GTF2F2: variants seen among roughly 807,000 people sequenced by gnomAD.
The protein encoded by GTF2F2 is ATP-dependent helicase GTF2F2.
GTF2F2 carries 23 observed loss-of-function variants against 42.2 expected under a neutral mutation model. That is an observed-to-expected ratio of 0.55 (90% confidence interval 0.39 to 0.77). The LOEUF is 0.77. Among genes scored for constraint, GTF2F2 ranks in the 30% least tolerant of loss-of-function variants. The pLI is 0.00. For missense variants in GTF2F2, 261 were observed against 287.2 expected, an observed-to-expected ratio of 0.91 and a Z score of 0.66; for synonymous variants, 105 against 100.8, an observed-to-expected ratio of 1.04 and a Z score of -0.25.
intron 1 of GTF2F2, among the ~76,000 whole-genome samples, chr13:45,129,025 G>T (rs562461608): frequency 6.6e-6 from 1 of 152,136 alleles, no homozygotes; most frequent in African/African-American, 2.4e-5. Context: ...GGCCTAAATC[G>T]TAGTCTCCAG....
chr13:45,272,430 A>C (rs1265268601), intron 7 of GTF2F2, among the ~76,000 whole-genome samples: 2 of 142,858 alleles, frequency 1.4e-5, no homozygotes, highest in Admixed American at 6.8e-5. Flanking sequence ...TCTTTAAAAA[A>C]AAAAAAAAAA....
chr13:45,147,341 G>A (rs904023289), intron 2 of GTF2F2, among the ~76,000 whole-genome samples: 23 of 152,130 alleles, frequency 1.5e-4, no homozygotes, highest in African/African-American at 5.1e-4. Context: ...TAAACATTAT[G>A]GAAGTGTCTT....
intron 4 of GTF2F2, among the ~76,000 whole-genome samples, chr13:45,167,232 ATT>A (rs553522450): frequency 9.3e-4 from 119 of 127,578 alleles, no homozygotes; most frequent in African/African-American, 2.0e-3. Flanking sequence ...CTATTTTACT[ATT>A]TTTTTTTTTT....
intron 4 of GTF2F2, among the ~76,000 whole-genome samples, chr13:45,184,648 A>G (rs970018254): frequency 2.6e-5 from 4 of 152,160 alleles, no homozygotes; most frequent in African/African-American, 9.7e-5. Flanking sequence ...TTTTAAAAAG[A>G]TAAAGTGAAT....
At chr13:45,250,653 C>A (rs1161487697) in intron 5 of GTF2F2, among the ~76,000 whole-genome samples, 1 of 152,038 alleles carries the variant, frequency 6.6e-6, no homozygotes, top group African/African-American at 2.4e-5. Context: ...ACAGCTGCAG[C>A]CAGAGGCAGA....
chr13:45,254,336 G>A (rs999078278), intron 6 of GTF2F2, among the ~76,000 whole-genome samples: 4 of 152,114 alleles, frequency 2.6e-5, no homozygotes, highest in Non-Finnish European at 5.9e-5. Context: ...GGGGCAGGGA[G>A]GTGTCTTGCA....
intron 3 of GTF2F2, among the ~76,000 whole-genome samples, chr13:45,151,069 G>C (rs906213169): frequency 6.6e-6 from 1 of 152,034 alleles, no homozygotes; most frequent in African/African-American, 2.4e-5. Flanking sequence ...TATTTATTCT[G>C]TCACCCAAAT....
chr13:45,180,094 C>A (rs747019687), intron 4 of GTF2F2, among the ~76,000 whole-genome samples: 2 of 152,040 alleles, frequency 1.3e-5, no homozygotes, highest in Non-Finnish European at 2.9e-5. Context: ...CTCAAAATAA[C>A]GTCTCATTTT....
chr13:45,125,605 A>T (rs1421454218), intron 1 of GTF2F2, among the ~76,000 whole-genome samples: 1 of 152,144 alleles, frequency 6.6e-6, no homozygotes, highest in Non-Finnish European at 1.5e-5. Flanking sequence ...TACCGGTGTG[A>T]GCCACTGTGC....
chr13:45,180,990 G>A (rs577274934), intron 4 of GTF2F2, among the ~76,000 whole-genome samples: 4 of 151,192 alleles, frequency 2.6e-5, no homozygotes, highest in East Asian at 3.9e-4. Context: ...GTGAAACCCC[G>A]TCTCTACCAA....
intron 6 of GTF2F2, among the ~76,000 whole-genome samples, chr13:45,254,450 A>G (rs939780531): frequency 9.2e-5 from 14 of 152,168 alleles, no homozygotes; most frequent in Non-Finnish European, 1.5e-5. Flanking sequence ...CAATATACAC[A>G]TTTATTGCAT....
chr13:45,131,893 G>C (rs1455982172), intron 1 of GTF2F2, among the ~76,000 whole-genome samples: 119 of 94,108 alleles, frequency 1.3e-3, no homozygotes, highest in African/African-American at 6.4e-3. Context: ...ATGAGACCCT[G>C]TCTCAAAAAA....
intron 7 of GTF2F2, among the ~76,000 whole-genome samples, chr13:45,270,458 G>A (rs956690223): frequency 2.0e-5 from 3 of 152,084 alleles, no homozygotes; most frequent in Admixed American, 6.6e-5. Context: ...TTTTTACATC[G>A]CTTAGTGAGG....
At chr13:45,225,355 C>A (rs1054203780) in intron 5 of GTF2F2, among the ~76,000 whole-genome samples, 1 of 150,416 alleles carries the variant, frequency 6.6e-6, no homozygotes, top group Non-Finnish European at 1.5e-5. Flanking sequence ...TCCTTATGAC[C>A]CTCATGTTGA....
At chr13:45,223,149 CCTGAGG>C (rs923700667) in intron 5 of GTF2F2, among the ~76,000 whole-genome samples, 5 of 151,412 alleles carry the variant, frequency 3.3e-5, no homozygotes, top group African/African-American at 1.2e-4. Flanking sequence ...CTCAGCTACT[CCTGAGG>C]CTGAGGTGGG....
chr13:45,238,513 C>G (rs1408499878), intron 5 of GTF2F2, among the ~76,000 whole-genome samples: 1 of 152,112 alleles, frequency 6.6e-6, no homozygotes, highest in Non-Finnish European at 1.5e-5. Context: ...GTCCCTTATG[C>G]CTCCCCTCCC....
At chr13:45,281,185 G>A (rs1877245801) in intron 7 of GTF2F2, among the ~76,000 whole-genome samples, 1 of 152,158 alleles carries the variant, frequency 6.6e-6, no homozygotes, top group African/African-American at 2.4e-5. Context: ...AACTGTATAA[G>A]GTGTGGGAGG....
chr13:45,210,656 AT>A (rs1271390781), intron 5 of GTF2F2, among the ~76,000 whole-genome samples: 2 of 152,196 alleles, frequency 1.3e-5, no homozygotes, highest in Non-Finnish European at 2.9e-5. Flanking sequence ...ACATACACAC[AT>A]TTGTCTACAA....
intron 4 of GTF2F2, among the ~76,000 whole-genome samples, chr13:45,168,356 G>A (rs1008527257): frequency 1.3e-5 from 2 of 152,212 alleles, no homozygotes; most frequent in East Asian, 3.9e-4. Context: ...CTGCCTGGAG[G>A]GCAGGCCAGA....
Sources: allele counts gnomAD v4.1 joint callset (sites outside exome capture counted in the v4.1 genomes callset), GRCh38; gene constraint gnomAD v4.1.1; transcripts MANE v1.5; gene names NCBI Gene and HGNC (gene_info 2026-07-23, HGNC 2026-07-21).